B4GALT4: variants seen among roughly 807,000 people sequenced by gnomAD.
B4GALT4 encodes the protein beta-1,4-galactosyltransferase 4.
Under a neutral mutation model 37.3 loss-of-function variants are expected in B4GALT4, and 27 were observed. That is an observed-to-expected ratio of 0.72 (90% CI 0.53 to 1.00). B4GALT4 has a LOEUF of 1.00. Ranked by LOEUF, B4GALT4 falls within the 50% of genes least tolerant of loss-of-function variation. B4GALT4 has a pLI of 0.00. For synonymous variants in B4GALT4, 148 were observed against 154.1 expected (o/e 0.96, Z 0.29); for missense variants, 372 against 413.1 (o/e 0.90, Z 0.86).
At chr3:119,220,722 C>T (rs1334015270) in intron 5 of B4GALT4, among the ~76,000 whole-genome samples, 1 of 152,154 alleles carries the variant, frequency 6.6e-6, no homozygotes, top group East Asian at 1.9e-4. Context: ...ATTGTCTCTC[C>T]ACGCCTGTAA....
intron 5 of B4GALT4, among the ~76,000 whole-genome samples, chr3:119,219,782 A>T (rs972287775): frequency 2.0e-5 from 3 of 152,254 alleles, no homozygotes; most frequent in African/African-American, 7.2e-5. Context: ...ACAAATTTGT[A>T]AATCTCAGAA....
At position 119,218,874 on chromosome 3, in the gene B4GALT4, AC is replaced by A. The variant is rs1576895122; in HGVS notation, c.675-103del. ...AACACCTGGGAGACCATGTACTTCC[AC>A]CCACCCACTCCTGCTTCTCCTGCTT... On this transcript the variant is annotated intron_variant, in intron 5 of 7. Transcript: ENST00000393765. 3 of 1,388,714 alleles carry A rather than the reference AC, an allele frequency of 2.2e-6. No homozygotes were observed. In the East Asian group the frequency reaches 7.0e-5, roughly 33 times the overall value. 86.0% of individuals were successfully genotyped at this position (1,388,714 alleles called of 1,614,324 possible).
chr3:119,231,459 T>C (rs2078812726), intron 2 of B4GALT4, among the ~76,000 whole-genome samples: 1 of 152,118 alleles, frequency 6.6e-6, no homozygotes, highest in African/African-American at 2.4e-5. Context: ...TAGACAAACA[T>C]ATTCTCAAAC....
chr3:119,226,711 G>T, intron 4 of B4GALT4, 98 bp downstream of exon 4: 1 of 993,194 alleles, frequency 1.0e-6, no homozygotes. Flanking sequence ...ATGATAGTCT[G>T]ATGTTCCTTT....
chr3:119,240,742 C>T (rs2079136068), intron 1 of B4GALT4, 108 bp downstream of exon 1: 1 of 152,364 alleles, frequency 6.6e-6, no homozygotes, highest in African/African-American at 2.4e-5. Context: ...CCACGCCCGC[C>T]CCGCTACAGC....
intron 4 of B4GALT4, 114 bp from the exon 5 acceptor site, chr3:119,224,359 T>A: frequency 1.4e-6 from 1 of 698,468 alleles, no homozygotes; most frequent in Non-Finnish European, 2.2e-6. Context: ...CGCACGAGAC[T>A]ACACTTGTGA....
At chr3:119,216,419 C>A in intron 6 of B4GALT4, 75 bp from the exon 7 acceptor site, 108 of 1,020,888 alleles carry the variant, frequency 1.1e-4, no homozygotes, top group East Asian at 2.4e-4. Flanking sequence ...GCATCATTTG[C>A]GAAAATTTAT....
At position 119,229,690 on chromosome 3, in the gene B4GALT4, CAT is replaced by C. The variant is rs542904417; in HGVS notation, c.253+155_253+156del. 3.7e-3 allele frequency among the ~76,000 whole-genome samples: 569 copies of C among 152,200 alleles called. 3 individuals are homozygous for C. The highest frequency in any genetic ancestry group is 0.013 in the African/African-American group (549 of 41,530). On this transcript the variant is annotated intron_variant, in intron 3 of 7. Transcript: ENST00000393765. ...CTTCTGAGTTTTGTACTTTCTTGTACATGTTATATTTATTTTATTTGAATGTA... is the reference window on the plus strand; with the variant it reads ...CTTCTGAGTTTTGTACTTTCTTGTACGTTATATTTATTTTATTTGAATGTA...
Position 119,227,019 on chromosome 3 carries a change from G to A in B4GALT4, c.276C>T (p.Phe92=). 1 of 1,614,170 alleles carries A rather than the reference G, an allele frequency of 6.2e-7. No individual in the cohort carries two copies. Among genetic ancestry groups the A allele is most frequent in the Non-Finnish European group, 8.5e-7 (1 of 1,180,032 alleles). ...PYLRGQSKLI[F]KPDLTLEEVQ... is the part of the protein sequence containing the mutation. ...CCTCTTCCAAAGTGAGATCTGGTTT[G>A]AAAATGAGCTTGCTCTGGCCTCCTA... The change falls in exon 4 of 8, where the codon TTC becomes TTT. Residue 92 remains phenylalanine (F), a synonymous_variant. Transcript: ENST00000393765.
In B4GALT4 at chr3:119,216,419, C is replaced by T. The variant is rs911393776; in HGVS notation, c.798-75G>A. 59 of 1,020,946 alleles carry T rather than the reference C, an allele frequency of 5.8e-5. 1 individual carries two copies. Among genetic ancestry groups the T allele is most frequent in the Middle Eastern group, 2.8e-4 (1 of 3,576 alleles). The allele number at this position is 1,020,946 out of a possible 1,614,324, so 63.2% of individuals were successfully genotyped here. ...CTAGGCAAATAAAAAGCATCATTTG[C>T]GAAAATTTATACACACACACGCACA... On this transcript the variant is annotated intron_variant, in intron 6 of 7. Coordinates refer to ENST00000393765, the MANE Select transcript of B4GALT4 (RefSeq NM_003778.4).
intron 1 of B4GALT4, among the ~76,000 whole-genome samples, chr3:119,237,312 C>G (rs1453668847): frequency 6.6e-6 from 1 of 152,138 alleles, no homozygotes; most frequent in African/African-American, 2.4e-5. Flanking sequence ...ATGGGTATAA[C>G]AGGGCTCTGA....
At chr3:119,217,767 C>G (rs1010610787) in intron 6 of B4GALT4, among the ~76,000 whole-genome samples, 1 of 150,744 alleles carries the variant, frequency 6.6e-6, no homozygotes, top group Non-Finnish European at 1.5e-5. Flanking sequence ...CACTCAAACC[C>G]GGGAGGCAGA....
chr3:119,216,359 G>T lies in B4GALT4; in HGVS notation c.798-15C>A. Reference sequence around the variant, plus strand: ...GGAGCTCAACCCTAGAAAAATAATAGAGATTTTTTTAAAGTCCATCCTATT... The same window carrying T: ...GGAGCTCAACCCTAGAAAAATAATATAGATTTTTTTAAAGTCCATCCTATT... On this transcript the variant is annotated splice_polypyrimidine_tract_variant and intron_variant, in intron 6 of 7. Transcript: ENST00000393765. 2 of 1,601,118 alleles carry T rather than the reference G, an allele frequency of 1.2e-6. No individual in the cohort carries two copies. The highest frequency in any genetic ancestry group is 1.7e-6 in the Non-Finnish European group (2 of 1,173,522).
At chr3:119,218,245 G>A (rs2078348893) in intron 6 of B4GALT4, among the ~76,000 whole-genome samples, 1 of 152,318 alleles carries the variant, frequency 6.6e-6, no homozygotes, top group South Asian at 2.1e-4. Flanking sequence ...CTCCCCAGAG[G>A]CTGCTGGCAC....
At chr3:119,240,093 G>A (rs1400244378) in intron 1 of B4GALT4, 1 of 151,112 alleles carries the variant, frequency 6.6e-6, no homozygotes, top group Non-Finnish European at 1.5e-5. Context: ...AGGTCTACCA[G>A]TACCCTCACC....
rs769383261 is a variant in B4GALT4 at position 119,212,701 on chromosome 3, A to T, written c.903-20T>A. On this transcript the variant is annotated intron_variant, in intron 7 of 7. Coordinates refer to ENST00000393765, the MANE Select transcript of B4GALT4 (RefSeq NM_003778.4). ...TTCATCCTAAAGATAAAAAGAACAA[A>T]TGTGAATGATAAGAATTTAACATAT... 1.3e-6 allele frequency: 2 copies of T among 1,570,532 alleles called. No homozygotes were observed. Among genetic ancestry groups the T allele is most frequent in the Non-Finnish European group, 1.7e-6 (2 of 1,163,814 alleles).
At position 119,211,821 on chromosome 3, in the gene B4GALT4, T is replaced by C. The variant is rs1393290333; in HGVS notation, c.*728A>G. 2 of 276,840 alleles carry C rather than the reference T, an allele frequency of 7.2e-6. No individual in the cohort carries two copies. The highest frequency in any genetic ancestry group is 4.3e-5 in the African/African-American group (2 of 46,470). 17.1% of individuals were successfully genotyped at this position (276,840 alleles called of 1,614,324 possible). On this transcript the variant is annotated 3_prime_UTR_variant, in exon 8 of 8. Transcript: ENST00000393765. ...ATATGTAAACTTGTAAACTGCTAAT[T>C]CATATCCTACTTGTACAAAATCATT...
intron 5 of B4GALT4, among the ~76,000 whole-genome samples, chr3:119,223,824 A>T (rs1187466702): frequency 6.6e-6 from 1 of 152,168 alleles, no homozygotes; most frequent in Non-Finnish European, 1.5e-5. Context: ...CAATGCTTGG[A>T]TGATATTTCT....
At chr3:119,227,620 A>G (rs1049205160) in intron 3 of B4GALT4, among the ~76,000 whole-genome samples, 3 of 152,138 alleles carry the variant, frequency 2.0e-5, no homozygotes, top group African/African-American at 7.2e-5. Flanking sequence ...CCATTTTGCC[A>G]CCACAACAGA....
Sources: gnomAD v4.1 joint callset for allele counts (sites outside exome capture counted in the v4.1 genomes callset) on GRCh38, gnomAD v4.1.1 for gene constraint, MANE v1.5 for transcripts, NCBI Gene and HGNC (gene_info 2026-07-23, HGNC 2026-07-21) for gene names.